The following TRPS1 variants were observed in gnomAD, a reference collection of about 807,000 sequenced individuals.
TRPS1 encodes zinc finger transcription factor Trps1.
A neutral mutation model predicts 101.2 loss-of-function variants in TRPS1; 6 were observed. The observed-to-expected ratio is 0.06, with a 90% confidence interval of 0.03 to 0.12. The LOEUF is 0.12. TRPS1 is among the 10% of genes least tolerant of loss of function. The pLI is 1.00. For synonymous variants in TRPS1, 578 were observed against 589.8 expected, an observed-to-expected ratio of 0.98 and a Z score of 0.29; for missense variants, 1,363 against 1,567.0, an observed-to-expected ratio of 0.87 and a Z score of 2.20.
At chr8:115,593,248 TTTTC>T (rs1429499701) in intron 4 of TRPS1, among the ~76,000 whole-genome samples, 2 of 152,210 alleles carry the variant, frequency 1.3e-5, no homozygotes, top group Non-Finnish European at 2.9e-5. Context: ...CCAATTCATT[TTTTC>T]TTTATCATTG....
At chr8:115,596,848 T>A in intron 4 of TRPS1, among the ~76,000 whole-genome samples, 1 of 152,018 alleles carries the variant, frequency 6.6e-6, no homozygotes, top group Non-Finnish European at 1.5e-5. Context: ...CATGAAAATT[T>A]GTATAGTTTT....
At chr8:115,631,027 T>C (rs562579548) in intron 1 of TRPS1, among the ~76,000 whole-genome samples, 1 of 152,230 alleles carries the variant, frequency 6.6e-6, no homozygotes, top group Non-Finnish European at 1.5e-5. Context: ...ATCTTCCCAA[T>C]ATTCTCACAG....
intron 4 of TRPS1, among the ~76,000 whole-genome samples, chr8:115,594,866 C>T (rs147892801): frequency 6.6e-6 from 1 of 151,798 alleles, no homozygotes; most frequent in African/African-American, 2.4e-5. Context: ...ATAAACCAAC[C>T]CTGCAGCTGA....
intron 3 of TRPS1, among the ~76,000 whole-genome samples, chr8:115,611,360 T>C (rs1219641572): frequency 6.6e-6 from 1 of 152,146 alleles, no homozygotes; most frequent in Non-Finnish European, 1.5e-5. Context: ...ATATAGAACA[T>C]CCTTCCTCCA....
At chr8:115,616,149 T>G (rs1439684271) in intron 3 of TRPS1, among the ~76,000 whole-genome samples, 1 of 152,194 alleles carries the variant, frequency 6.6e-6, no homozygotes, top group African/African-American at 2.4e-5. Flanking sequence ...GGCTTTCTGA[T>G]GGCTATTTAC....
intron 5 of TRPS1, among the ~76,000 whole-genome samples, chr8:115,498,675 TCACA>T (rs1271977391): frequency 6.6e-6 from 1 of 151,820 alleles, no homozygotes; most frequent in Non-Finnish European, 1.5e-5. Flanking sequence ...AAAGTTAGTG[TCACA>T]CAAAGTAAAG....
chr8:115,497,607 T>C (rs1308307292), intron 5 of TRPS1, among the ~76,000 whole-genome samples: 1 of 152,158 alleles, frequency 6.6e-6, no homozygotes, highest in Non-Finnish European at 1.5e-5. Context: ...AATAGAGACA[T>C]GATTGAAAGT....
chr8:115,568,393 CA>C (rs1817119612), intron 5 of TRPS1, among the ~76,000 whole-genome samples: 1 of 152,004 alleles, frequency 6.6e-6, no homozygotes, highest in Non-Finnish European at 1.5e-5. Flanking sequence ...GTAAATTTTT[CA>C]GCTTTATACA....
At position 115,604,425 on chromosome 8, in the gene TRPS1, G is replaced by A. The variant is rs142784032; in HGVS notation, c.1544C>T (p.Ser515Leu). Residue 515 changes from serine to leucine, a missense_variant, in exon 4 of 7, where the codon TCG (serine) becomes TTG (leucine). Transcript: ENST00000395715. This position sits in a 1 kb window ranked among gnomAD's most constrained non-coding sequence, Gnocchi z 4.1. Reference sequence around the variant, plus strand: ...GAAGTCCTTCTTTTTAGCCCCACTCGAGCTCTTGTCTGTCTTGGTCATTGT... The same window carrying A: ...GAAGTCCTTCTTTTTAGCCCCACTCAAGCTCTTGTCTGTCTTGGTCATTGT... ...GETMTKTDKS[S>L]SGAKKKDFSS... 2.2e-4 allele frequency: 360 copies of A among 1,613,924 alleles called. 2 individuals carry two copies. In the African/African-American group the frequency reaches 4.3e-3, roughly 19 times the overall value.
At chr8:115,586,133 CACAA>C (rs1429365955) in intron 5 of TRPS1, among the ~76,000 whole-genome samples, 1 of 152,200 alleles carries the variant, frequency 6.6e-6, no homozygotes, top group Non-Finnish European at 1.5e-5. Context: ...ACCTTCTATG[CACAA>C]ACAAAGCTTC....
intron 5 of TRPS1, among the ~76,000 whole-genome samples, chr8:115,579,015 T>A (rs1817383965): frequency 6.6e-6 from 1 of 152,074 alleles, no homozygotes; most frequent in South Asian, 2.1e-4. Flanking sequence ...GAATTTAATG[T>A]CTGCCATTAT....
rs531945115 is a variant in TRPS1, at chr8:115,434,667, C to G, written c.2701-16215G>C. On this transcript the variant is annotated intron_variant, in intron 5 of 6. Coordinates refer to ENST00000395715, the MANE Select transcript of TRPS1 (RefSeq NM_014112.5). ...CGCCCTTGGAATTACAGTTAAAATG[C>G]ATTTTGGTCCTAGCCATAAACATTG... is the stretch of plus-strand genomic sequence containing the variant. 6.6e-5 allele frequency among the ~76,000 whole-genome samples: 10 copies of G among 152,242 alleles called. No homozygotes were observed. In the South Asian group the frequency reaches 1.9e-3, roughly 28 times the overall value.
chr8:115,432,387 T>C lies in TRPS1; in HGVS notation c.2701-13935A>G, dbSNP rs147657144. ...CACCAATTGTTTACAATTTATTTTA[T>C]CTATAATTTTATTTAAAAGTCCACA... On this transcript the variant is annotated intron_variant, in intron 5 of 6. Coordinates refer to ENST00000395715, the MANE Select transcript of TRPS1 (RefSeq NM_014112.5). Among the ~76,000 whole-genome samples the C allele has an allele frequency of 2.2e-3, 328 of 152,048 alleles. 1 individual carries two copies. The highest frequency in any genetic ancestry group is 7.6e-3 in the African/African-American group (315 of 41,568).
intron 6 of TRPS1, 36 bp from the exon 7 acceptor site, chr8:115,415,120 A>G (rs1371511098): frequency 6.4e-7 from 1 of 1,568,390 alleles, no homozygotes; most frequent in African/African-American, 1.4e-5. Flanking sequence ...AAAGGAAAAC[A>G]TTAAAAAATA....
rs150099143 is a variant in TRPS1, at chr8:115,590,096, G to A, written c.2097-2492C>T. Reference sequence around the variant, plus strand: ...CACGACACTGTGCTCCAACCTGGGCGACAGAGCGAGACGCCATCTCAAACA... The same window carrying A: ...CACGACACTGTGCTCCAACCTGGGCAACAGAGCGAGACGCCATCTCAAACA... On this transcript the variant is annotated intron_variant, in intron 4 of 6. Transcript: ENST00000395715. Among the ~76,000 whole-genome samples, 6 of 152,176 alleles carry A rather than the reference G, an allele frequency of 3.9e-5. No homozygotes were observed. In the East Asian group the frequency reaches 5.8e-4, roughly 15 times the overall value.
At chr8:115,453,091 G>A (rs574697817) in intron 5 of TRPS1, among the ~76,000 whole-genome samples, 1 of 151,560 alleles carries the variant, frequency 6.6e-6, no homozygotes, top group South Asian at 2.1e-4. Flanking sequence ...GCGCGATCTC[G>A]GCTCACTGCA....
At chr8:115,576,949 T>C (rs1322941426) in intron 5 of TRPS1, among the ~76,000 whole-genome samples, 12 of 152,140 alleles carry the variant, frequency 7.9e-5, no homozygotes, top group Admixed American at 7.9e-4. Flanking sequence ...CCAACCTTCT[T>C]AGAATTAGTT....
At chr8:115,506,354 T>C (rs990390420) in intron 5 of TRPS1, among the ~76,000 whole-genome samples, 2 of 152,044 alleles carry the variant, frequency 1.3e-5, no homozygotes, top group Non-Finnish European at 2.9e-5. Context: ...TCAAATATAA[T>C]TGAGAATTGA....
chr8:115,587,679 C>T (rs1462795588), intron 4 of TRPS1, 75 bp from the exon 5 acceptor site: 14 of 1,606,166 alleles, frequency 8.7e-6, no homozygotes, highest in Non-Finnish European at 1.1e-5. Flanking sequence ...CCTTTAAGCA[C>T]CTGAATTTTC....
Sources: gnomAD v4.1 joint callset for allele counts (sites outside exome capture counted in the v4.1 genomes callset) on GRCh38, gnomAD v4.1.1 for gene constraint, Gnocchi (gnomAD v3.1) non-coding constraint, MANE v1.5 for transcripts, NCBI Gene and HGNC (gene_info 2026-07-23, HGNC 2026-07-21) for gene names.